The following SNX18 variants were observed in gnomAD, a reference collection of about 807,000 sequenced individuals.
The protein encoded by SNX18 is sorting nexin-18.
Under a neutral mutation model 48.7 loss-of-function variants are expected in SNX18, and 35 were observed. The observed-to-expected ratio is 0.72, with a 90% CI of 0.55 to 0.95. The LOEUF is 0.95. SNX18 is among the 40% of genes least tolerant of loss of function. SNX18 has a pLI of 0.00. For missense variants in SNX18, 824 were observed against 871.0 expected, an observed-to-expected ratio of 0.95 and a Z score of 0.68; for synonymous variants, 492 against 384.7, an observed-to-expected ratio of 1.28 and a Z score of -3.26.
At chr5:54,573,083 C>T in the SNX18 span, among the ~76,000 whole-genome samples, 1 of 151,810 alleles carries the variant, frequency 6.6e-6, no homozygotes. Flanking sequence ...TCCTAATATC[C>T]TGATATCTTG....
At chr5:54,553,680 C>T in the SNX18 span, among the ~76,000 whole-genome samples, 5 of 152,272 alleles carry the variant, frequency 3.3e-5, no homozygotes, top group South Asian at 4.2e-4. Flanking sequence ...TGAGGTCAGA[C>T]GCAGAAAACT....
intron 1 of SNX18, among the ~76,000 whole-genome samples, chr5:54,521,505 G>A (rs574074347): frequency 6.6e-6 from 1 of 152,228 alleles, no homozygotes; most frequent in South Asian, 2.1e-4. Flanking sequence ...TTCGAGACCA[G>A]CCTGGGCAAC....
At chr5:54,605,520 T>C in the SNX18 span, among the ~76,000 whole-genome samples, 1 of 152,202 alleles carries the variant, frequency 6.6e-6, no homozygotes, top group South Asian at 2.1e-4. Flanking sequence ...TTTACATAAT[T>C]TTAACTAATT....
chr5:54,625,202 A>G, the SNX18 span, among the ~76,000 whole-genome samples: 4 of 152,166 alleles, frequency 2.6e-5, no homozygotes, highest in African/African-American at 9.7e-5. Flanking sequence ...TATTGTGTAT[A>G]ACAAATCACC....
the SNX18 span, among the ~76,000 whole-genome samples, chr5:54,581,624 T>G: frequency 6.6e-6 from 1 of 152,114 alleles, no homozygotes; most frequent in African/African-American, 2.4e-5. Flanking sequence ...ACTGCAGCTT[T>G]GTGTTTACCA....
At chr5:54,573,688 G>A in the SNX18 span, among the ~76,000 whole-genome samples, 2 of 152,172 alleles carry the variant, frequency 1.3e-5, no homozygotes, top group South Asian at 2.1e-4. Flanking sequence ...TTAGAAATGG[G>A]ACACCCCACA....
chr5:54,562,290 A>G, the SNX18 span, among the ~76,000 whole-genome samples: 1 of 152,206 alleles, frequency 6.6e-6, no homozygotes, highest in Non-Finnish European at 1.5e-5. Flanking sequence ...CTTAATGACG[A>G]TGGATTCTGG....
the SNX18 span, among the ~76,000 whole-genome samples, chr5:54,628,856 T>C: frequency 6.6e-6 from 1 of 152,218 alleles, no homozygotes; most frequent in Non-Finnish European, 1.5e-5. Flanking sequence ...GTCCTTCTGA[T>C]GAGCATCTAG....
At chr5:54,570,308 C>T in the SNX18 span, among the ~76,000 whole-genome samples, 8 of 152,208 alleles carry the variant, frequency 5.3e-5, no homozygotes, top group Non-Finnish European at 1.0e-4. Flanking sequence ...AGGAAGCGTG[C>T]CCCTGCTGAC....
the SNX18 span, among the ~76,000 whole-genome samples, chr5:54,585,659 TA>T: frequency 6.6e-6 from 1 of 150,764 alleles, no homozygotes; most frequent in Non-Finnish European, 1.5e-5. Context: ...AGCAGGAGGA[TA>T]AAAAAAGAGC....
the SNX18 span, among the ~76,000 whole-genome samples, chr5:54,587,843 C>T: frequency 1.2e-3 from 187 of 152,248 alleles, no homozygotes; most frequent in African/African-American, 4.3e-3. Flanking sequence ...TTTTTTAAGG[C>T]ACGTGGCCAT....
chr5:54,626,318 CTTTT>C, the SNX18 span, among the ~76,000 whole-genome samples: 63 of 152,198 alleles, frequency 4.1e-4, no homozygotes, highest in African/African-American at 1.5e-3. Flanking sequence ...GAGATAATTT[CTTTT>C]CTTCTTCTTT....
the SNX18 span, among the ~76,000 whole-genome samples, chr5:54,584,545 G>T: frequency 2.0e-5 from 3 of 152,104 alleles, no homozygotes; most frequent in African/African-American, 4.8e-5. Context: ...TGGCCTTGTT[G>T]TTCGAAAAGA....
chr5:54,581,555 C>T, the SNX18 span, among the ~76,000 whole-genome samples: 1 of 152,156 alleles, frequency 6.6e-6, no homozygotes, highest in South Asian at 2.1e-4. Context: ...TCAGCTCTCT[C>T]TGTGGGTCTA....
the SNX18 span, among the ~76,000 whole-genome samples, chr5:54,633,693 G>T: frequency 0.083 from 12,621 of 152,256 alleles, 596 homozygotes; most frequent in African/African-American, 0.12. Flanking sequence ...CTCAACAAAT[G>T]TTACCTGTTA....
the SNX18 span, among the ~76,000 whole-genome samples, chr5:54,613,211 A>T: frequency 2.7e-3 from 416 of 152,326 alleles, 1 homozygote; most frequent in African/African-American, 9.6e-3. Flanking sequence ...TATAGGGATT[A>T]TCTTAGTTCG....
At chr5:54,597,860 C>T in the SNX18 span, among the ~76,000 whole-genome samples, 2 of 151,962 alleles carry the variant, frequency 1.3e-5, no homozygotes, top group Non-Finnish European at 2.9e-5. Context: ...AACCCCAAAG[C>T]TAGCAGAAGA....
At chr5:54,643,317 TTAAAA>T in the SNX18 span, among the ~76,000 whole-genome samples, 1 of 152,214 alleles carries the variant, frequency 6.6e-6, no homozygotes, top group Non-Finnish European at 1.5e-5. Flanking sequence ...TAGTCACATC[TTAAAA>T]TAAACTTGCA....
the SNX18 span, among the ~76,000 whole-genome samples, chr5:54,610,255 C>T: frequency 2.0e-5 from 3 of 152,258 alleles, no homozygotes; most frequent in East Asian, 5.8e-4. Context: ...GATGTGACAC[C>T]ACCCTTGTGT....
Sources: allele counts gnomAD v4.1 joint callset (sites outside exome capture counted in the v4.1 genomes callset), GRCh38; gene constraint gnomAD v4.1.1; transcripts MANE v1.5; gene names NCBI Gene and HGNC (gene_info 2026-07-23, HGNC 2026-07-21).